Variants in INSL6 observed in about 807,000 individuals in gnomAD.
INSL6 encodes insulin-like peptide INSL6.
Under a neutral mutation model 9.4 loss-of-function variants are expected in INSL6, and 16 were observed. The observed-to-expected ratio is 1.70, with a 90% CI of 1.15 to 2.59. The LOEUF is 2.59. INSL6 is among the 30% of genes most tolerant of loss of function. INSL6 has a pLI of 0.00. For synonymous variants in INSL6, 154 were observed against 96.9 expected (o/e 1.59, Z -3.46); for missense variants, 391 against 257.3 (o/e 1.52, Z -3.56).
chr9:5,011,258 T>C, the INSL6 span, among the ~76,000 whole-genome samples: 1 of 152,194 alleles, frequency 6.6e-6, no homozygotes, highest in Non-Finnish European at 1.5e-5. Flanking sequence ...TGATCACGGC[T>C]TTCTGCAGCC....
At chr9:5,057,823 C>T in the INSL6 span, among the ~76,000 whole-genome samples, 19 of 151,944 alleles carry the variant, frequency 1.3e-4, no homozygotes, top group Non-Finnish European at 2.5e-4. Flanking sequence ...CCTCATGATC[C>T]GCCTGCCTCA....
At chr9:5,104,428 A>G in the INSL6 span, among the ~76,000 whole-genome samples, 1 of 152,140 alleles carries the variant, frequency 6.6e-6, no homozygotes, top group Non-Finnish European at 1.5e-5. Flanking sequence ...ATAGCCTACC[A>G]ACCAAAAAAA....
chr9:5,069,450 T>C, the INSL6 span, among the ~76,000 whole-genome samples: 1 of 152,214 alleles, frequency 6.6e-6, no homozygotes, highest in Non-Finnish European at 1.5e-5. Flanking sequence ...TGTGGTATGA[T>C]GTCATTTATT....
At chr9:5,155,505 G>T (rs1237546273) in intron 2 of INSL6, among the ~76,000 whole-genome samples, 3 of 139,768 alleles carry the variant, frequency 2.1e-5, no homozygotes, top group Non-Finnish European at 4.6e-5. Flanking sequence ...GTACCTAGCA[G>T]AATAAATACA....
At chr9:5,024,106 A>G in the INSL6 span, among the ~76,000 whole-genome samples, 1 of 152,088 alleles carries the variant, frequency 6.6e-6, no homozygotes, top group Non-Finnish European at 1.5e-5. Context: ...AATACAAAAA[A>G]TTAGCCAGGT....
the INSL6 span, among the ~76,000 whole-genome samples, chr9:5,024,656 T>C: frequency 2.6e-5 from 4 of 152,144 alleles, no homozygotes; most frequent in Non-Finnish European, 5.9e-5. Flanking sequence ...GTTTTCAGTG[T>C]GTTTATTGTT....
chr9:5,093,749 C>G, the INSL6 span, among the ~76,000 whole-genome samples: 1 of 152,082 alleles, frequency 6.6e-6, no homozygotes, highest in Non-Finnish European at 1.5e-5. Flanking sequence ...CAGTGCAATC[C>G]TATTCTATCA....
the INSL6 span, among the ~76,000 whole-genome samples, chr9:5,038,104 T>G: frequency 8.5e-4 from 130 of 152,330 alleles, 1 homozygote; most frequent in Admixed American, 8.4e-3. Flanking sequence ...CCATTAATGA[T>G]TTGTTCTTCT....
At chr9:5,179,848 G>C (rs1690815453) in intron 1 of INSL6, among the ~76,000 whole-genome samples, 1 of 152,150 alleles carries the variant, frequency 6.6e-6, no homozygotes, top group Admixed American at 6.5e-5. Flanking sequence ...GCCTGACAGG[G>C]GCCCTGGGGG....
At chr9:5,032,974 T>C in the INSL6 span, among the ~76,000 whole-genome samples, 4 of 152,254 alleles carry the variant, frequency 2.6e-5, no homozygotes, top group East Asian at 1.9e-4. Context: ...TTTGAACTCA[T>C]GGCAAAGAAG....
chr9:5,170,129 G>T (rs1825145151), intron 1 of INSL6, among the ~76,000 whole-genome samples: 3 of 152,072 alleles, frequency 2.0e-5, no homozygotes, highest in Admixed American at 1.3e-4. Flanking sequence ...AAATGCAAAA[G>T]AACTGAAATC....
the INSL6 span, among the ~76,000 whole-genome samples, chr9:5,003,503 G>A: frequency 6.2e-4 from 94 of 151,966 alleles, no homozygotes; most frequent in African/African-American, 2.2e-3. Context: ...ATTTTTAAAT[G>A]TTCATTTAAA....
the INSL6 span, among the ~76,000 whole-genome samples, chr9:5,093,878 G>A: frequency 6.6e-6 from 1 of 152,110 alleles, no homozygotes; most frequent in Non-Finnish European, 1.5e-5. Flanking sequence ...TCAGACCAGA[G>A]TAATCCAGGT....
chr9:5,114,894 C>T, the INSL6 span: 5 of 198,042 alleles, frequency 2.5e-5, no homozygotes, highest in Admixed American at 6.1e-5. Context: ...GTTGCAATGA[C>T]CCCAGGAAGC....
At chr9:5,041,944 C>A in the INSL6 span, 1 of 384,662 alleles carries the variant, frequency 2.6e-6, no homozygotes, top group Non-Finnish European at 5.0e-6. Context: ...TTTCTTCCCC[C>A]TGAATCTTCT....
intron 2 of INSL6, among the ~76,000 whole-genome samples, chr9:5,148,294 A>T (rs1322925852): frequency 6.6e-6 from 1 of 152,130 alleles, no homozygotes; most frequent in Non-Finnish European, 1.5e-5. Flanking sequence ...GAGGAGAATT[A>T]ATGATTTTTG....
chr9:5,152,698 A>G (rs1051196558), intron 2 of INSL6, among the ~76,000 whole-genome samples: 2 of 152,238 alleles, frequency 1.3e-5, no homozygotes, highest in African/African-American at 4.8e-5. Flanking sequence ...GAGAAAAAGG[A>G]AATGGAGAAT....
the INSL6 span, among the ~76,000 whole-genome samples, chr9:5,024,913 A>T: frequency 6.6e-6 from 1 of 152,180 alleles, no homozygotes; most frequent in South Asian, 2.1e-4. Flanking sequence ...TCACACTGGG[A>T]GCACCAATTG....
chr9:5,125,298 G>C (rs895825459), intron 3 of INSL6, among the ~76,000 whole-genome samples: 3 of 151,024 alleles, frequency 2.0e-5, no homozygotes, highest in Non-Finnish European at 4.5e-5. Context: ...ATACTGTGCA[G>C]TTTGCTCTCC....
Sources: gnomAD v4.1 joint callset for allele counts (sites outside exome capture counted in the v4.1 genomes callset) on GRCh38, gnomAD v4.1.1 for gene constraint, MANE v1.5 for transcripts, NCBI Gene and HGNC (gene_info 2026-07-23, HGNC 2026-07-21) for gene names.